Variants in CNIH3 observed in about 807,000 individuals in gnomAD.
The protein encoded by CNIH3 is cornichon family AMPA receptor auxiliary protein 3.
Under a neutral mutation model 24.1 loss-of-function variants are expected in CNIH3, and 14 were observed. The observed-to-expected ratio is 0.58, with a 90% CI of 0.38 to 0.91. The LOEUF is 0.91. Ranked by LOEUF, CNIH3 falls within the 40% of genes least tolerant of loss-of-function variation. CNIH3 has a pLI of 0.00. For missense variants in CNIH3, 178 were observed against 196.8 expected (o/e 0.90, Z 0.57); for synonymous variants, 68 against 73.8 (o/e 0.92, Z 0.40).
chr1:224,480,066 T>A (rs1189040244), intron 1 of CNIH3, among the ~76,000 whole-genome samples: 1 of 152,196 alleles, frequency 6.6e-6, no homozygotes, highest in African/African-American at 2.4e-5. Flanking sequence ...GGTATCCAGG[T>A]CTTTCCATAC....
At chr1:224,597,966 C>A (rs1442841433) in intron 3 of CNIH3, among the ~76,000 whole-genome samples, 1 of 152,144 alleles carries the variant, frequency 6.6e-6, no homozygotes, top group Non-Finnish European at 1.5e-5. Context: ...GAAGGACACC[C>A]AGCGAGAGTC....
intron 4 of CNIH3, among the ~76,000 whole-genome samples, chr1:224,574,260 A>G (rs914561547): frequency 6.6e-6 from 1 of 152,120 alleles, no homozygotes; most frequent in African/African-American, 2.4e-5. Flanking sequence ...GCAACCTCCC[A>G]CTTACCGGCT....
At position 224,666,906 on chromosome 1, in the gene CNIH3, C is replaced by T. The variant is rs202235649; in HGVS notation, c.82-14052C>T. On this transcript the variant is annotated intron_variant, in intron 1 of 5. Coordinates refer to ENST00000272133, the MANE Select transcript of CNIH3 (RefSeq NM_152495.2). Reference sequence around the variant, plus strand: ...GTCACGTGCATGCGGTTGACATATGCCTGCTGAGATTGTGGTCTCTCCCTC... The same window carrying T: ...GTCACGTGCATGCGGTTGACATATGTCTGCTGAGATTGTGGTCTCTCCCTC... Among the ~76,000 whole-genome samples, 9 of 152,162 alleles carry T rather than the reference C, an allele frequency of 5.9e-5. No individual in the cohort carries two copies. The East Asian group carries it at 1.7e-3, about 29-fold the overall frequency.
At chr1:224,577,298 A>C (rs1430474954) in intron 4 of CNIH3, among the ~76,000 whole-genome samples, 5 of 152,212 alleles carry the variant, frequency 3.3e-5, no homozygotes, top group Admixed American at 6.5e-5. Flanking sequence ...AAATATTCAC[A>C]AACTGTGCAT....
chr1:224,558,676 C>T (rs1680240627), intron 3 of CNIH3, among the ~76,000 whole-genome samples: 1 of 152,202 alleles, frequency 6.6e-6, no homozygotes, highest in African/African-American at 2.4e-5. Context: ...GTCCCCACCC[C>T]TTGATGGGAG....
intron 1 of CNIH3, among the ~76,000 whole-genome samples, chr1:224,446,824 G>C (rs573508613): frequency 6.6e-6 from 1 of 152,236 alleles, no homozygotes; most frequent in Admixed American, 6.5e-5. Context: ...GAAGGAAAGA[G>C]TCTCCTGGGC....
At chr1:224,665,913 A>G (rs565441761) in intron 1 of CNIH3, among the ~76,000 whole-genome samples, 1 of 152,042 alleles carries the variant, frequency 6.6e-6, no homozygotes, top group East Asian at 1.9e-4. Flanking sequence ...GGTGCAAACA[A>G]TCCCCAAGTC....
chr1:224,496,616 G>A (rs1010748515), intron 1 of CNIH3, among the ~76,000 whole-genome samples: 1 of 152,144 alleles, frequency 6.6e-6, no homozygotes, highest in African/African-American at 2.4e-5. Flanking sequence ...TCACAGACAG[G>A]TAGCGACTTA....
chr1:224,734,683 C>G lies in CNIH3; in HGVS notation c.432C>G (p.Leu144=), dbSNP rs754934791. Residue 144 remains leucine, a synonymous_variant, in exon 5 of 6, where the codon CTC becomes CTG. Coordinates refer to ENST00000272133, the MANE Select transcript of CNIH3 (RefSeq NM_152495.2). ...EAWCKLAFYL[L]SFFYYLYCMI... is the part of the protein sequence containing the mutation. ...GGTGTAAGCTGGCCTTCTATCTCCT[C>G]TCCTTCTTCTACTACCTTTACTGGT... The G allele has an allele frequency of 6.2e-7, 1 of 1,614,208 alleles. No homozygotes were observed. The highest frequency in any genetic ancestry group is 8.5e-7 in the Non-Finnish European group (1 of 1,180,014).
chr1:224,650,949 A>T (rs1475395385), intron 1 of CNIH3, among the ~76,000 whole-genome samples: 3 of 152,096 alleles, frequency 2.0e-5, no homozygotes, highest in Admixed American at 6.5e-5. Flanking sequence ...CACTGGCTTG[A>T]TGGGGTCTTT....
intron 2 of CNIH3, among the ~76,000 whole-genome samples, chr1:224,532,449 G>A (rs752642933): frequency 6.6e-5 from 10 of 152,144 alleles, no homozygotes; most frequent in East Asian, 1.9e-4. Flanking sequence ...AGACCTTGTC[G>A]AGGGCAAAGT....
chr1:224,616,823 G>A lies in CNIH3; in HGVS notation c.-352G>A, dbSNP rs1683023658. ...TCCTCCCTCGGTCCTCCGTGGAGTC[G>A]TCGCATCGCTTGTCGTGTTGGTCTC... is the stretch of plus-strand genomic sequence containing the variant. On this transcript the variant is annotated 5_prime_UTR_variant, in exon 1 of 6. Coordinates refer to ENST00000272133, the MANE Select transcript of CNIH3 (RefSeq NM_152495.2). 1 of 1,106,978 alleles carries A rather than the reference G, an allele frequency of 9.0e-7. No homozygotes were observed. The highest frequency in any genetic ancestry group is 6.1e-5 in the East Asian group (1 of 16,484). The allele number at this position is 1,106,978 out of a possible 1,614,324, so 68.6% of individuals were successfully genotyped here.
chr1:224,461,055 T>C (rs1048761274), intron 1 of CNIH3, among the ~76,000 whole-genome samples: 1 of 151,448 alleles, frequency 6.6e-6, no homozygotes, highest in African/African-American at 2.4e-5. Flanking sequence ...CAGCCTGGAG[T>C]GCAGTGGGGC....
intron 1 of CNIH3, among the ~76,000 whole-genome samples, chr1:224,466,581 A>G (rs1676161171): frequency 6.6e-6 from 1 of 152,192 alleles, no homozygotes; most frequent in African/African-American, 2.4e-5. Context: ...TAGATTGCAG[A>G]GCGCATATAG....
chr1:224,658,877 AT>A (rs1333429465), intron 1 of CNIH3, among the ~76,000 whole-genome samples: 1 of 152,198 alleles, frequency 6.6e-6, no homozygotes, highest in East Asian at 1.9e-4. Context: ...CTTATAAACA[AT>A]TTTATCTAAT....
chr1:224,448,016 T>C (rs1675235183), intron 1 of CNIH3, among the ~76,000 whole-genome samples: 1 of 152,034 alleles, frequency 6.6e-6, no homozygotes, highest in African/African-American at 2.4e-5. Context: ...CTAGAGCCCA[T>C]GCTGTTAACA....
intron 3 of CNIH3, among the ~76,000 whole-genome samples, chr1:224,547,941 G>A (rs1024255871): frequency 5.9e-5 from 9 of 151,834 alleles, no homozygotes; most frequent in African/African-American, 2.2e-4. Flanking sequence ...TATCACAGTG[G>A]GTAGACACCC....
At chr1:224,631,739 C>T (rs979834323) in intron 1 of CNIH3, among the ~76,000 whole-genome samples, 1 of 152,088 alleles carries the variant, frequency 6.6e-6, no homozygotes, top group Non-Finnish European at 1.5e-5. Context: ...GTTTTGTGTT[C>T]GCATGGTCCA....
At chr1:224,618,726 G>A (rs1683148514) in intron 1 of CNIH3, among the ~76,000 whole-genome samples, 2 of 152,210 alleles carry the variant, frequency 1.3e-5, no homozygotes, top group African/African-American at 4.8e-5. Context: ...AGTAGACTTA[G>A]GAATCTGGGG....
Sources: gnomAD v4.1 joint callset for allele counts (sites outside exome capture counted in the v4.1 genomes callset) on GRCh38, gnomAD v4.1.1 for gene constraint, MANE v1.5 for transcripts, NCBI Gene and HGNC (gene_info 2026-07-23, HGNC 2026-07-21) for gene names.